Variants in MLPH observed in about 807,000 individuals in gnomAD.
MLPH encodes melanophilin.
In MLPH, 51 loss-of-function variants were observed where a neutral mutation model predicts 72.1. The observed-to-expected ratio is 0.71, with a 90% CI of 0.56 to 0.89. The LOEUF is 0.89. MLPH is among the 40% of genes least tolerant of loss of function. The pLI, the probability that MLPH is intolerant of heterozygous loss-of-function variation, is 0.00. For missense variants in MLPH, 743 were observed against 759.9 expected (o/e 0.98, Z 0.26); for synonymous variants, 301 against 310.1 (o/e 0.97, Z 0.31).
In MLPH at chr2:237,510,508, C is replaced by T; in HGVS notation, c.111-66C>T. 2 of 1,409,956 alleles carry T rather than the reference C, an allele frequency of 1.4e-6. No homozygotes were observed. The highest frequency in any genetic ancestry group is 2.3e-5 in the East Asian group (1 of 42,810). The allele number at this position is 1,409,956 out of a possible 1,614,324, so 87.3% of individuals were successfully genotyped here. On this transcript the variant is annotated intron_variant, in intron 2 of 15. Transcript: ENST00000264605. This position sits in a 1 kb window ranked among gnomAD's most constrained non-coding sequence, Gnocchi z 4.4. ...CTGTGTGTGTGTGTATGTACGTGTA[C>T]ACACTTAAAGCCTGTTGCAAAAACA...
intron 2 of MLPH, among the ~76,000 whole-genome samples, chr2:237,501,062 C>T (rs1367908730): frequency 6.6e-6 from 1 of 152,126 alleles, no homozygotes; most frequent in African/African-American, 2.4e-5. Flanking sequence ...CCTCCTCACC[C>T]CTGCTCACCG....
intron 6 of MLPH, among the ~76,000 whole-genome samples, chr2:237,524,366 C>T (rs1169817592): frequency 6.7e-6 from 1 of 148,302 alleles, no homozygotes; most frequent in South Asian, 2.1e-4. Flanking sequence ...ACGAGTCCCA[C>T]GATAGGCTGT....
chr2:237,536,348 T>G (rs559261724), intron 9 of MLPH, among the ~76,000 whole-genome samples: 1 of 152,280 alleles, frequency 6.6e-6, no homozygotes, highest in East Asian at 1.9e-4. Flanking sequence ...GCTTTATGGG[T>G]TACTAGAGCC....
In MLPH at chr2:237,545,169, GACAGTGGTGAGTGGAGGGC is replaced by G. The variant is rs1574910785; in HGVS notation, c.1540-1422_1540-1404del. Among the ~76,000 whole-genome samples, 20 of 46,364 alleles carry G rather than the reference GACAGTGGTGAGTGGAGGGC, an allele frequency of 4.3e-4. 5 individuals carry two copies. The highest frequency in any genetic ancestry group is 5.2e-4 in the Non-Finnish European group (12 of 23,194). The allele number at this position is 46,364 out of a possible 152,430, so 30.4% of individuals were successfully genotyped here. On this transcript the variant is annotated intron_variant, in intron 12 of 15. Transcript: ENST00000264605. ...GAGTGGGGACAGTGGTGAGTGGGGGGACAGTGGTGAGTGGAGGGCACAGTGGTGAGTGGGGACAGTGGTG... is the reference window on the plus strand; with the variant it reads ...GAGTGGGGACAGTGGTGAGTGGGGGGACAGTGGTGAGTGGGGACAGTGGTG...
chr2:237,545,878 G>A (rs998089588), intron 12 of MLPH: 5 of 197,270 alleles, frequency 2.5e-5, no homozygotes, highest in Non-Finnish European at 4.1e-5. Flanking sequence ...ATTAGCTGTC[G>A]ATCTTGTGAA....
At chr2:237,489,934 C>A (rs974084570) in intron 1 of MLPH, among the ~76,000 whole-genome samples, 27 of 152,214 alleles carry the variant, frequency 1.8e-4, no homozygotes, top group Non-Finnish European at 3.5e-4. Flanking sequence ...TCCTCCCTGC[C>A]TATTAATCCC....
At chr2:237,516,788 G>GATGA (rs1357411463) in intron 4 of MLPH, among the ~76,000 whole-genome samples, 131 of 91,842 alleles carry the variant, frequency 1.4e-3, no homozygotes, top group African/African-American at 7.6e-3. Context: ...TGAATGGATG[G>GATGA]ATGGATGGAT....
At chr2:237,520,058 C>T in intron 6 of MLPH, 29 bp downstream of exon 6, 1 of 1,613,590 alleles carries the variant, frequency 6.2e-7, no homozygotes. Flanking sequence ...CTTTCCCCTG[C>T]CCCTCCCAGG....
At chr2:237,493,235 T>C (rs1298310976) in intron 1 of MLPH, among the ~76,000 whole-genome samples, 168 bp from the exon 2 acceptor site, 1 of 152,228 alleles carries the variant, frequency 6.6e-6, no homozygotes, top group Non-Finnish European at 1.5e-5. Flanking sequence ...TTCACTTAAA[T>C]TCATTAAACT....
chr2:237,519,900 G>C lies in MLPH; in HGVS notation c.556-10G>C. ...TGACTTGAGTCTTGCCCTGTCTTGT[G>C]CCTGCTAAGAAAAAGCGCCTCCTCT... On this transcript the variant is annotated splice_polypyrimidine_tract_variant and intron_variant, in intron 5 of 15. Coordinates refer to ENST00000264605, the MANE Select transcript of MLPH (RefSeq NM_024101.7). The C allele has an allele frequency of 6.2e-7, 1 of 1,613,928 alleles. No homozygotes were observed. The highest frequency in any genetic ancestry group is 8.5e-7 in the Non-Finnish European group (1 of 1,179,998).
chr2:237,501,147 C>T (rs1249487600), intron 2 of MLPH, among the ~76,000 whole-genome samples: 1 of 152,124 alleles, frequency 6.6e-6, no homozygotes, highest in East Asian at 1.9e-4. Flanking sequence ...TTGTTAGTGT[C>T]TTATCCCTGC....
At chr2:237,500,136 A>G (rs186076400) in intron 2 of MLPH, among the ~76,000 whole-genome samples, 1 of 152,226 alleles carries the variant, frequency 6.6e-6, no homozygotes, top group Non-Finnish European at 1.5e-5. Flanking sequence ...ATGTGGCTCT[A>G]CGTCGTGTGT....
At chr2:237,517,551 G>T (rs1201422180) in intron 4 of MLPH, among the ~76,000 whole-genome samples, 4 of 144,998 alleles carry the variant, frequency 2.8e-5, no homozygotes, top group African/African-American at 1.1e-4. Context: ...GAATGCATTG[G>T]TGAGTGGATG....
Position 237,512,390 on chromosome 2 carries a change from C to T in MLPH, c.445+1289C>T, listed in dbSNP as rs66486735. Among the ~76,000 whole-genome samples the T allele has an allele frequency of 0.1, 15,560 of 152,172 alleles. 941 individuals are homozygous for T. The highest frequency in any genetic ancestry group is 0.21 in the East Asian group (1,069 of 5,168). On this transcript the variant is annotated intron_variant, in intron 4 of 15. Coordinates refer to ENST00000264605, the MANE Select transcript of MLPH (RefSeq NM_024101.7). The surrounding 1 kb of genome is among the most constrained non-coding windows in gnomAD (Gnocchi z 5.5). Reference sequence around the variant, plus strand: ...GAGAGGCACCGCTGGAGCAGTACACCGCACACCACAGGGTGGCTGCACTTT... The same window carrying T: ...GAGAGGCACCGCTGGAGCAGTACACTGCACACCACAGGGTGGCTGCACTTT...
chr2:237,492,525 G>T (rs1044360369), intron 1 of MLPH, among the ~76,000 whole-genome samples: 8 of 151,886 alleles, frequency 5.3e-5, no homozygotes, highest in African/African-American at 1.9e-4. Context: ...TGAGGGTGAG[G>T]CCTGGCCACC....
intron 1 of MLPH, among the ~76,000 whole-genome samples, chr2:237,492,524 G>A (rs1384165069): frequency 6.6e-6 from 1 of 151,838 alleles, no homozygotes; most frequent in East Asian, 1.9e-4. Context: ...CTGAGGGTGA[G>A]GCCTGGCCAC....
At chr2:237,498,638 A>C (rs1389087632) in intron 2 of MLPH, among the ~76,000 whole-genome samples, 2 of 152,094 alleles carry the variant, frequency 1.3e-5, no homozygotes, top group Non-Finnish European at 2.9e-5. Context: ...GGCCCTTAGG[A>C]GGGATCGGTG....
At position 237,540,524 on chromosome 2, in the gene MLPH, G is replaced by A. The variant is rs202229121; in HGVS notation, c.1281G>A (p.Ala427=). The change falls in exon 10 of 16, where the codon GCG becomes GCA. Residue 427 remains alanine, a synonymous_variant. Coordinates refer to ENST00000264605, the MANE Select transcript of MLPH (RefSeq NM_024101.7). ...RDKSVGPLPQ[A]DPEVGTAAHQ... is the part of the protein sequence containing the mutation. ...AATCAGTTGGGCCTCTCCCCCAGGCGGACCCGGAGGTAAGACTATCCCCCA... is the reference window on the plus strand; with the variant it reads ...AATCAGTTGGGCCTCTCCCCCAGGCAGACCCGGAGGTAAGACTATCCCCCA... The A allele has an allele frequency of 3.0e-5, 49 of 1,610,836 alleles. No individual in the cohort carries two copies. Among genetic ancestry groups the A allele is most frequent in the African/African-American group, 1.1e-4 (8 of 74,970 alleles).
In MLPH at chr2:237,525,798, T is replaced by C. The variant is rs746205444; in HGVS notation, c.873T>C (p.Ala291=). ...ACAGGATGGCCCTGGGGACTGCTGC[T>C]GCACTCGGTAGGTGCCCTTGGCCAG... ...GSHRMALGTA[A]ALGSNVIRNE... is the part of the protein sequence containing the mutation. Residue 291 remains alanine (A), a synonymous_variant, in exon 7 of 16, where the codon GCT becomes GCC. Coordinates refer to ENST00000264605, the MANE Select transcript of MLPH (RefSeq NM_024101.7). 9 of 1,612,120 alleles carry C rather than the reference T, an allele frequency of 5.6e-6. No homozygotes were observed. Among genetic ancestry groups the C allele is most frequent in the Non-Finnish European group, 7.6e-6 (9 of 1,180,002 alleles).
Sources: allele counts gnomAD v4.1 joint callset (sites outside exome capture counted in the v4.1 genomes callset), GRCh38; gene constraint gnomAD v4.1.1; non-coding constraint Gnocchi (gnomAD v3.1); transcripts MANE v1.5; gene names NCBI Gene and HGNC (gene_info 2026-07-23, HGNC 2026-07-21).